The following CDH19 variants were observed in gnomAD, a reference collection of about 807,000 sequenced individuals.
CDH19 encodes cadherin-19.
A neutral mutation model predicts 64.2 loss-of-function variants in CDH19; 67 were observed. That is an observed-to-expected ratio of 1.04 (90% confidence interval 0.86 to 1.28). CDH19 has a LOEUF of 1.28. CDH19 is among the 50% of genes most tolerant of loss of function. The pLI, the probability that CDH19 is intolerant of heterozygous loss-of-function variation, is 0.00. For synonymous variants in CDH19, 346 were observed against 319.3 expected (o/e 1.08, Z -0.89); for missense variants, 1,030 against 929.0 (o/e 1.11, Z -1.41).
chr18:66,519,177 G>A (rs1985873814), intron 9 of CDH19, among the ~76,000 whole-genome samples: 1 of 152,132 alleles, frequency 6.6e-6, no homozygotes, highest in South Asian at 2.1e-4. Context: ...TTGTTTGTGT[G>A]CAATGTCAAG....
At chr18:66,545,342 G>C (rs1479033439) in intron 5 of CDH19, among the ~76,000 whole-genome samples, 1 of 151,742 alleles carries the variant, frequency 6.6e-6, no homozygotes, top group African/African-American at 2.4e-5. Flanking sequence ...CCAGTTACTT[G>C]TTCTTAATCT....
intron 11 of CDH19, among the ~76,000 whole-genome samples, chr18:66,508,506 C>T (rs986573031): frequency 6.6e-6 from 1 of 151,388 alleles, no homozygotes; most frequent in African/African-American, 2.4e-5. Context: ...AGCTGTGTGA[C>T]CCTTCATAAA....
Position 66,535,092 on chromosome 18 carries a change from C to A in CDH19, c.1230G>T (p.Arg410Ser). Residue 410 changes from arginine to serine, a missense_variant, in exon 8 of 12, where the codon AGG (arginine) becomes AGT (serine). Arg to Ser is a moderately radical substitution (Grantham distance 110, BLOSUM62 -1). Transcript: ENST00000262150. ...TATCATTGATATTGAACACTTTGCT[C>A]CTAGTAATAGAATACCTGAACCAAA... is the stretch of plus-strand genomic sequence containing the variant. ...RKSPIRYSITRSKVFNINDNG... is the reference protein window; with the variant it reads ...RKSPIRYSITSSKVFNINDNG... The A allele has an allele frequency of 6.8e-7, 1 of 1,481,412 alleles. No homozygotes were observed. The highest frequency in any genetic ancestry group is 9.1e-7 in the Non-Finnish European group (1 of 1,093,438). 91.8% of individuals were successfully genotyped at this position (1,481,412 alleles called of 1,614,324 possible). A position where few individuals can be genotyped will look rare whatever the true frequency, so the allele number is the denominator to read the frequency against.
intron 1 of CDH19, among the ~76,000 whole-genome samples, chr18:66,588,610 A>C (rs1599038833): frequency 7.6e-6 from 1 of 132,156 alleles, no homozygotes; most frequent in East Asian, 2.2e-4. Flanking sequence ...CTAATCATAT[A>C]TATCTATATC....
intron 7 of CDH19, among the ~76,000 whole-genome samples, chr18:66,541,676 A>G (rs1986892242): frequency 6.6e-6 from 1 of 152,190 alleles, no homozygotes; most frequent in South Asian, 2.1e-4. Context: ...TATGAAAAGC[A>G]ATATTATTTA....
At chr18:66,544,960 A>G (rs1485139650) in intron 5 of CDH19, 57 bp from the exon 6 acceptor site, 28 of 1,273,872 alleles carry the variant, frequency 2.2e-5, no homozygotes, top group Non-Finnish European at 2.9e-5. Context: ...ACAACTTGCA[A>G]TTATAGTTTT....
chr18:66,541,872 G>T (rs1276971438), intron 7 of CDH19, among the ~76,000 whole-genome samples: 1 of 152,068 alleles, frequency 6.6e-6, no homozygotes, highest in East Asian at 1.9e-4. Flanking sequence ...TTAATATTTG[G>T]TTGTACCTTA....
chr18:66,509,263 T>G lies in CDH19; in HGVS notation c.1577-17A>C, dbSNP rs1225934563. ...CTGTGTTATCTAAAACAAAAATCCA[T>G]GTGCATAATTTTTTCAACTACGTAA... On this transcript the variant is annotated splice_polypyrimidine_tract_variant and intron_variant, in intron 10 of 11. Coordinates refer to ENST00000262150, the MANE Select transcript of CDH19 (RefSeq NM_021153.4). The G allele has an allele frequency of 6.2e-7, 1 of 1,608,600 alleles. No individual in the cohort carries two copies. Among genetic ancestry groups the G allele is most frequent in the East Asian group, 2.2e-5 (1 of 44,800 alleles).
At chr18:66,540,556 T>C (rs1986848773) in intron 7 of CDH19, among the ~76,000 whole-genome samples, 1 of 152,140 alleles carries the variant, frequency 6.6e-6, no homozygotes, top group Non-Finnish European at 1.5e-5. Flanking sequence ...CATGATTGGC[T>C]TCTGACAAGA....
intron 5 of CDH19, among the ~76,000 whole-genome samples, chr18:66,546,554 T>C (rs1987125401): frequency 1.3e-5 from 2 of 152,168 alleles, no homozygotes; most frequent in Admixed American, 1.3e-4. Flanking sequence ...TTATTGAACA[T>C]AATTTTTACA....
intron 10 of CDH19, among the ~76,000 whole-genome samples, chr18:66,510,898 CTG>C (rs1985450120): frequency 1.3e-5 from 2 of 151,516 alleles, no homozygotes; most frequent in Admixed American, 1.3e-4. Context: ...AATAAATCAA[CTG>C]TGTTTCATAA....
At chr18:66,599,350 A>C (rs114083095) in intron 1 of CDH19, among the ~76,000 whole-genome samples, 3,945 of 152,146 alleles carry the variant, frequency 0.026, 136 homozygotes, top group African/African-American at 0.077. Flanking sequence ...GTGGAATCTA[A>C]AACAATGGAA....
At chr18:66,600,806 A>G (rs1012457056) in intron 1 of CDH19, among the ~76,000 whole-genome samples, 2 of 151,892 alleles carry the variant, frequency 1.3e-5, no homozygotes, top group African/African-American at 2.4e-5. Context: ...AAATCCTCAT[A>G]TGCCTACAGG....
In CDH19 at chr18:66,505,225, C is replaced by A; in HGVS notation, c.1906G>T (p.Glu636Ter). The change falls in exon 12 of 12, where the codon GAG (glutamate) becomes TAG (stop). Residue 636 changes from glutamate (E) to a stop codon, truncating the protein, a stop_gained. Transcript: ENST00000262150. LOFTEE classifies it low-confidence loss of function (END_TRUNC). ...TCATCATCATATTGGAATATATTCT[C>A]TCTGAAATCTTCACTTTTCTCAGGA... ...LFPEKSEDFR[E>*]NIFQYDDEGG... 6.2e-7 allele frequency: 1 copy of A among 1,604,820 alleles called. No homozygotes were observed. Among genetic ancestry groups the A allele is most frequent in the Non-Finnish European group, 8.5e-7 (1 of 1,177,176 alleles).
At chr18:66,552,602 C>T (rs1987385801) in intron 4 of CDH19, among the ~76,000 whole-genome samples, 1 of 134,530 alleles carries the variant, frequency 7.4e-6, no homozygotes. Context: ...ACTGTGCCTA[C>T]TTTGCTTTCA....
chr18:66,540,833 T>C (rs1373514096), intron 7 of CDH19, among the ~76,000 whole-genome samples: 1 of 152,188 alleles, frequency 6.6e-6, no homozygotes, highest in African/African-American at 2.4e-5. Context: ...CGTAAACATT[T>C]AGACTTCTGA....
Position 66,544,782 on chromosome 18 carries a change from A to ATG in CDH19, c.896_897insCA (p.Ser300IlefsTer17). 6.2e-7 allele frequency: 1 copy of ATG among 1,612,306 alleles called. No homozygotes were observed. Among genetic ancestry groups the ATG allele is most frequent in the Non-Finnish European group, 8.5e-7 (1 of 1,178,554 alleles). On this transcript the variant is annotated frameshift_variant, in exon 6 of 12. Coordinates refer to ENST00000262150, the MANE Select transcript of CDH19 (RefSeq NM_021153.4). LOFTEE classifies it high-confidence loss of function. ...TAGTAATAATGTCAAATGTTTGCGA[A>ATG]TCATCCTCTTCAATGCTGTAATCCA...
intron 3 of CDH19, among the ~76,000 whole-genome samples, chr18:66,564,671 C>T (rs1021832454): frequency 6.6e-6 from 1 of 151,816 alleles, no homozygotes; most frequent in African/African-American, 2.4e-5. Context: ...AGTCTATTAA[C>T]ACTAATGATC....
At chr18:66,515,984 T>C (rs930371438) in intron 9 of CDH19, among the ~76,000 whole-genome samples, 20 of 151,764 alleles carry the variant, frequency 1.3e-4, no homozygotes, top group African/African-American at 4.8e-4. Flanking sequence ...TTAAAAAGTA[T>C]TGAGGAAGTA....
Sources: gnomAD v4.1 joint callset for allele counts (sites outside exome capture counted in the v4.1 genomes callset) on GRCh38, gnomAD v4.1.1 for gene constraint, MANE v1.5 for transcripts, NCBI Gene and HGNC (gene_info 2026-07-23, HGNC 2026-07-21) for gene names.